DOK6: variants seen among roughly 807,000 people sequenced by gnomAD.
DOK6 encodes the protein downstream of tyrosine kinase 6.
In DOK6, 22 loss-of-function variants were observed where a neutral mutation model predicts 44.0. The ratio of observed to expected loss-of-function variants is 0.50; its 90% CI spans 0.36 to 0.71. DOK6 has a LOEUF of 0.71. Ranked by LOEUF, DOK6 falls within the 30% of genes least tolerant of loss-of-function variation. The pLI, the probability that DOK6 is intolerant of heterozygous loss-of-function variation, is 0.00. For missense variants in DOK6, 340 were observed against 416.4 expected (o/e 0.82, Z 1.60); for synonymous variants, 166 against 145.5 (o/e 1.14, Z -1.01).
At chr18:69,740,700 C>T (rs1978771002) in intron 6 of DOK6, among the ~76,000 whole-genome samples, 1 of 152,172 alleles carries the variant, frequency 6.6e-6, no homozygotes, top group African/African-American at 2.4e-5. Context: ...GTAACAAGGG[C>T]ATGTAATAGT....
At chr18:69,756,316 G>A (rs752161652) in intron 6 of DOK6, among the ~76,000 whole-genome samples, 7 of 152,132 alleles carry the variant, frequency 4.6e-5, no homozygotes, top group Non-Finnish European at 7.4e-5. Flanking sequence ...ACCAACCACA[G>A]GATGTGGATG....
At chr18:69,756,477 T>A (rs1979359716) in intron 6 of DOK6, among the ~76,000 whole-genome samples, 1 of 152,180 alleles carries the variant, frequency 6.6e-6, no homozygotes, top group African/African-American at 2.4e-5. Flanking sequence ...ATAGACTGAG[T>A]ATGGCACTTC....
At chr18:69,650,846 A>G (rs1418892732) in intron 3 of DOK6, among the ~76,000 whole-genome samples, 1 of 152,166 alleles carries the variant, frequency 6.6e-6, no homozygotes, top group Admixed American at 6.5e-5. Flanking sequence ...TACTGCTTCT[A>G]ATTTCCAAAT....
intron 7 of DOK6, among the ~76,000 whole-genome samples, chr18:69,769,258 C>T (rs1387618223): frequency 6.6e-6 from 1 of 151,996 alleles, no homozygotes; most frequent in Non-Finnish European, 1.5e-5. Context: ...CTGACAATTA[C>T]AACTCTAAGA....
chr18:69,543,010 AGT>A (rs1982309348), intron 1 of DOK6, among the ~76,000 whole-genome samples: 1 of 151,622 alleles, frequency 6.6e-6, no homozygotes, highest in African/African-American at 2.4e-5. Flanking sequence ...TTTTCAAAGG[AGT>A]CTGCTTTGGG....
chr18:69,635,732 A>G (rs938874628), intron 3 of DOK6, among the ~76,000 whole-genome samples: 5 of 152,202 alleles, frequency 3.3e-5, no homozygotes, highest in Admixed American at 2.6e-4. Context: ...GATCCTCAGT[A>G]GCCGCATACC....
intron 1 of DOK6, among the ~76,000 whole-genome samples, chr18:69,419,618 A>T (rs2122404149): frequency 6.6e-6 from 1 of 152,266 alleles, no homozygotes; most frequent in African/African-American, 2.4e-5. Flanking sequence ...TTTTTCTTCA[A>T]TTACAAATAT....
intron 1 of DOK6, chr18:69,470,248 C>A (rs1980058139): frequency 6.6e-6 from 1 of 152,338 alleles, no homozygotes; most frequent in Admixed American, 6.5e-5. Context: ...TTCCAGAAAG[C>A]AAGGACTGCC....
chr18:69,489,306 T>C (rs1391199275), intron 1 of DOK6, among the ~76,000 whole-genome samples: 1 of 152,198 alleles, frequency 6.6e-6, no homozygotes, highest in East Asian at 1.9e-4. Context: ...TCAGCTCTTT[T>C]TGTACTTGCT....
chr18:69,825,427 C>CTT lies in DOK6; in HGVS notation c.857-15792_857-15791dup, dbSNP rs34656265. ...GCAAACGGTTTATCAATCATAACTT[C>CTT]TTTTTTTTTTTTTTTTTTTTTTTTT... On this transcript the variant is annotated intron_variant, in intron 7 of 7. Transcript: ENST00000382713. Among the ~76,000 whole-genome samples the CTT allele has an allele frequency of 6.2e-3, 517 of 83,004 alleles. 43 individuals carry two copies. The highest frequency in any genetic ancestry group is 9.3e-3 in the Non-Finnish European group (401 of 43,022). 54.5% of individuals were successfully genotyped at this position (83,004 alleles called of 152,430 possible). A position where few individuals can be genotyped will look rare whatever the true frequency, so the allele number is the denominator to read the frequency against.
intron 1 of DOK6, among the ~76,000 whole-genome samples, chr18:69,527,806 A>G (rs1374776034): frequency 6.6e-6 from 1 of 152,220 alleles, no homozygotes; most frequent in Non-Finnish European, 1.5e-5. Context: ...TTATAGCTAA[A>G]TAACAGTCAC....
At chr18:69,697,767 C>T (rs1986421451) in intron 4 of DOK6, among the ~76,000 whole-genome samples, 1 of 152,112 alleles carries the variant, frequency 6.6e-6, no homozygotes, top group African/African-American at 2.4e-5. Flanking sequence ...ATAGGATATC[C>T]AGGAATGAAA....
chr18:69,651,773 T>C (rs9945623), intron 3 of DOK6, among the ~76,000 whole-genome samples: 139,546 of 152,028 alleles, frequency 0.92, 64,857 homozygotes, highest in Non-Finnish European at 1. Context: ...AGGTGTCAGC[T>C]ACCGCGCCCA....
chr18:69,536,744 A>G lies in DOK6; in HGVS notation c.67-27743A>G, dbSNP rs189124594. Among the ~76,000 whole-genome samples, 703 of 152,072 alleles carry G rather than the reference A, an allele frequency of 4.6e-3. 4 individuals are homozygous for G. Among genetic ancestry groups the G allele is most frequent in the Middle Eastern group, 6.8e-3 (2 of 294 alleles). On this transcript the variant is annotated intron_variant, in intron 1 of 7. Transcript: ENST00000382713. ...TCACATGTATTGATATATCCACAAT[A>G]TATCACAAGATTTTTTGTTTTAAAG...
intron 3 of DOK6, among the ~76,000 whole-genome samples, chr18:69,646,799 C>T (rs1461080316): frequency 2.0e-5 from 3 of 152,098 alleles, no homozygotes; most frequent in Non-Finnish European, 4.4e-5. Flanking sequence ...CTTTTGATTC[C>T]CCAGTCAAGG....
At chr18:69,413,077 G>C (rs1043513365) in intron 1 of DOK6, among the ~76,000 whole-genome samples, 1 of 152,060 alleles carries the variant, frequency 6.6e-6, no homozygotes, top group African/African-American at 2.4e-5. Context: ...TGGTTGCTTA[G>C]TCTTGAACCT....
chr18:69,427,860 C>G (rs1258498091), intron 1 of DOK6, among the ~76,000 whole-genome samples: 1 of 151,680 alleles, frequency 6.6e-6, no homozygotes, highest in Non-Finnish European at 1.5e-5. Context: ...TCACTGCAAC[C>G]TCAGCCTCCT....
intron 7 of DOK6, among the ~76,000 whole-genome samples, chr18:69,816,321 C>T (rs1981397910): frequency 6.6e-6 from 1 of 152,192 alleles, no homozygotes; most frequent in African/African-American, 2.4e-5. Flanking sequence ...TGCCAATAGA[C>T]TTTACCCTTT....
In DOK6 at chr18:69,698,534, T is replaced by C. The variant is rs768614164; in HGVS notation, c.540T>C (p.Pro180=). 7 of 1,614,120 alleles carry C rather than the reference T, an allele frequency of 4.3e-6. No individual in the cohort carries two copies. ...HNAKVKLVMW[P]LSSLRRYGRD... is the part of the protein sequence containing the mutation. ...CCAAGGTCAAACTGGTGATGTGGCC[T>C]CTCAGCTCACTGAGGAGATACGGTC... The change falls in exon 5 of 8, where the codon CCT becomes CCC. Residue 180 remains proline, a synonymous_variant. Transcript: ENST00000382713.
Sources: allele counts gnomAD v4.1 joint callset (sites outside exome capture counted in the v4.1 genomes callset), GRCh38; gene constraint gnomAD v4.1.1; transcripts MANE v1.5; gene names NCBI Gene and HGNC (gene_info 2026-07-23, HGNC 2026-07-21).